TMEM51: variants seen among roughly 807,000 people sequenced by gnomAD.
TMEM51 encodes chromosome 1 open reading frame 72.
A neutral mutation model predicts 13.6 loss-of-function variants in TMEM51; 8 were observed. That is an observed-to-expected ratio of 0.59 (90% CI 0.35 to 1.07). TMEM51 has a LOEUF of 1.07. Ranked by LOEUF, TMEM51 falls within the 50% of genes least tolerant of loss-of-function variation. The probability of loss-of-function intolerance (pLI) is 0.02; values close to 1 mark genes in which losing one functional copy is unlikely to be tolerated. For missense variants in TMEM51, 279 were observed against 330.7 expected (o/e 0.84, Z 1.21); for synonymous variants, 147 against 144.4 (o/e 1.02, Z -0.13).
rs201766226 is a variant in TMEM51, at chr1:15,215,110, A to C, written c.23A>C (p.Asn8Thr). Residue 8 changes from asparagine to threonine, a missense_variant, in exon 3 of 4, where the codon AAT becomes ACT. Asn to Thr is a moderately conservative substitution (Grantham distance 65, BLOSUM62 0). Transcript: ENST00000376008. MMAQSKA[N>T]GSHYALTAIG... The stretch of plus-strand genomic sequence containing the variant: ...GACATGATGGCCCAGTCCAAGGCCA[A>C]TGGCTCGCACTATGCGCTGACCGCC... The C allele has an allele frequency of 2.2e-5, 35 of 1,611,702 alleles. No homozygotes were observed. The African/African-American group carries it at 2.9e-4, about 14-fold the overall frequency.
intron 1 of TMEM51, among the ~76,000 whole-genome samples, chr1:15,177,546 G>T (rs1167231179): frequency 6.6e-6 from 1 of 152,208 alleles, no homozygotes; most frequent in African/African-American, 2.4e-5. Flanking sequence ...CAAGCAGCTG[G>T]ATCCCAAATG....
chr1:15,180,114 G>A (rs1643569555), intron 1 of TMEM51, among the ~76,000 whole-genome samples: 1 of 152,242 alleles, frequency 6.6e-6, no homozygotes, highest in Non-Finnish European at 1.5e-5. Flanking sequence ...CTCAGCAAGT[G>A]CTGAGTGTTG....
At chr1:15,162,808 A>G (rs1370125010) in intron 1 of TMEM51, among the ~76,000 whole-genome samples, 1 of 152,112 alleles carries the variant, frequency 6.6e-6, no homozygotes, top group Non-Finnish European at 1.5e-5. Flanking sequence ...TGAGGAATCT[A>G]GACATCATAG....
At chr1:15,196,394 ATG>A (rs57848538) in intron 1 of TMEM51, among the ~76,000 whole-genome samples, 133,887 of 151,250 alleles carry the variant, frequency 0.89, 59,329 homozygotes, top group East Asian at 0.96. Flanking sequence ...GTGTGTGTGC[ATG>A]TGTGTGTGTG....
At chr1:15,167,326 C>CAAAA (rs555274126) in intron 1 of TMEM51, among the ~76,000 whole-genome samples, 13 of 69,446 alleles carry the variant, frequency 1.9e-4, no homozygotes, top group East Asian at 4.6e-4. Flanking sequence ...GACTCCATCT[C>CAAAA]AAAAAAAAAA....
intron 1 of TMEM51, among the ~76,000 whole-genome samples, chr1:15,209,290 T>C (rs986585614): frequency 1.3e-5 from 2 of 151,676 alleles, no homozygotes; most frequent in Admixed American, 1.3e-4. Context: ...AGAGACATGG[T>C]CTCACTATAG....
chr1:15,196,768 C>T (rs1033569102), intron 1 of TMEM51, among the ~76,000 whole-genome samples: 5 of 152,174 alleles, frequency 3.3e-5, no homozygotes, highest in Non-Finnish European at 7.3e-5. Flanking sequence ...GACTTATGAA[C>T]AAGTATGTGC....
At chr1:15,154,551 G>A (rs1453779492) in intron 1 of TMEM51, among the ~76,000 whole-genome samples, 1 of 152,226 alleles carries the variant, frequency 6.6e-6, no homozygotes, top group Non-Finnish European at 1.5e-5. Flanking sequence ...GTCCCAGGGT[G>A]CGGCGGGGCA....
intron 1 of TMEM51, chr1:15,191,942 G>A: frequency 1.9e-6 from 1 of 533,096 alleles, no homozygotes; most frequent in Non-Finnish European, 3.8e-6. Context: ...CGTCTATTTA[G>A]TTTGATTATG....
Position 15,181,881 on chromosome 1 carries a change from C to T in TMEM51, c.-267+27927C>T, listed in dbSNP as rs565008383. 3.3e-5 allele frequency among the ~76,000 whole-genome samples: 5 copies of T among 152,184 alleles called. No homozygotes were observed. The East Asian group carries it at 7.7e-4, about 24-fold the overall frequency. ...TATAAATTTAAAATGTGTGACTGTC[C>T]GGGAGTGGTGTCTCACGCCTGTTAA... On this transcript the variant is annotated intron_variant, in intron 1 of 3. Coordinates refer to ENST00000376008, the MANE Select transcript of TMEM51 (RefSeq NM_001136218.2).
At chr1:15,215,739 CTT>C (rs1644421831) in intron 3 of TMEM51, among the ~76,000 whole-genome samples, 1 of 152,158 alleles carries the variant, frequency 6.6e-6, no homozygotes, top group Admixed American at 6.5e-5. Flanking sequence ...AAAATACTGT[CTT>C]TTGGGCCAGG....
intron 1 of TMEM51, among the ~76,000 whole-genome samples, chr1:15,205,957 C>T (rs1278478483): frequency 6.6e-6 from 1 of 152,136 alleles, no homozygotes; most frequent in Non-Finnish European, 1.5e-5. Context: ...AAGAAATGTT[C>T]AGGTCCAGTA....
chr1:15,154,657 A>G (rs1018559924), intron 1 of TMEM51, among the ~76,000 whole-genome samples: 19 of 152,122 alleles, frequency 1.2e-4, no homozygotes, highest in African/African-American at 4.3e-4. Flanking sequence ...CAGCGCACAA[A>G]CGGGAGGCGC....
chr1:15,205,951 A>C (rs1483288610), intron 1 of TMEM51, among the ~76,000 whole-genome samples: 3 of 152,180 alleles, frequency 2.0e-5, no homozygotes, highest in Non-Finnish European at 4.4e-5. Flanking sequence ...TTTTAAAAGA[A>C]ATGTTCAGGT....
In TMEM51 at chr1:15,200,431, AAGAG is replaced by A. The variant is rs1367273024; in HGVS notation, c.-266-10053_-266-10050del. On this transcript the variant is annotated intron_variant, in intron 1 of 3. Transcript: ENST00000376008. Reference sequence around the variant, plus strand: ...TCAAAAAAAAAAAAAAAAAAAAAAAAAGAGAGAGATTAGGACAGAGACACACACG... The same window carrying A: ...TCAAAAAAAAAAAAAAAAAAAAAAAAAGAGATTAGGACAGAGACACACACG... 8.0e-5 allele frequency among the ~76,000 whole-genome samples: 10 copies of A among 125,346 alleles called. No homozygotes were observed. The South Asian group carries it at 1.1e-3, about 14-fold the overall frequency. 82.2% of individuals were successfully genotyped at this position (125,346 alleles called of 152,430 possible).
rs869118960 is a variant in TMEM51, at chr1:15,193,573, TTC to T, written c.-266-16915_-266-16914del. ...AGCATTTTCTTTTTCTTTTCTTTCT[TTC>T]TTTTTTTTTTTTTTTTTTTTGAGAC... On this transcript the variant is annotated intron_variant, in intron 1 of 3. Coordinates refer to ENST00000376008, the MANE Select transcript of TMEM51 (RefSeq NM_001136218.2). 3.5e-3 allele frequency among the ~76,000 whole-genome samples: 243 copies of T among 70,072 alleles called. 3 individuals are homozygous for T. The South Asian group carries it at 0.039, about 11-fold the overall frequency. The allele number at this position is 70,072 out of a possible 152,430, so 46.0% of individuals were successfully genotyped here. A position where few individuals can be genotyped will look rare whatever the true frequency, so the allele number is the denominator to read the frequency against.
At chr1:15,209,316 C>T (rs1423196140) in intron 1 of TMEM51, among the ~76,000 whole-genome samples, 6 of 151,538 alleles carry the variant, frequency 4.0e-5, no homozygotes, top group South Asian at 2.1e-4. Flanking sequence ...AGGCTAGTCT[C>T]GAACTCCTGA....
At chr1:15,182,696 A>G (rs1051634094) in intron 1 of TMEM51, among the ~76,000 whole-genome samples, 1 of 152,212 alleles carries the variant, frequency 6.6e-6, no homozygotes, top group African/African-American at 2.4e-5. Context: ...CCCCAAAGCT[A>G]AAAGATTATT....
At chr1:15,210,061 G>A (rs560777377) in intron 1 of TMEM51, among the ~76,000 whole-genome samples, 5 of 152,188 alleles carry the variant, frequency 3.3e-5, no homozygotes, top group East Asian at 1.9e-4. Flanking sequence ...GGAGGGAGAC[G>A]GGGAGGGAAG....
Sources: gnomAD v4.1 joint callset for allele counts (sites outside exome capture counted in the v4.1 genomes callset) on GRCh38, gnomAD v4.1.1 for gene constraint, MANE v1.5 for transcripts, NCBI Gene and HGNC (gene_info 2026-07-23, HGNC 2026-07-21) for gene names.